Variants in CAPN13 observed in about 807,000 individuals in gnomAD.
The protein encoded by CAPN13 is calpain-13.
CAPN13 carries 90 observed loss-of-function variants against 98.4 expected under a neutral mutation model. That is an observed-to-expected ratio of 0.92 (90% CI 0.77 to 1.09). The LOEUF is 1.09. CAPN13 is among the 50% of genes least tolerant of loss of function. The pLI is 0.00. For missense variants in CAPN13, 887 were observed against 841.3 expected, an observed-to-expected ratio of 1.05 and a Z score of -0.67; for synonymous variants, 330 against 305.5, an observed-to-expected ratio of 1.08 and a Z score of -0.84.
chr2:30,782,773 G>A (rs1281381477), intron 2 of CAPN13, among the ~76,000 whole-genome samples: 2 of 152,248 alleles, frequency 1.3e-5, no homozygotes, highest in African/African-American at 4.8e-5. Context: ...CTATAAAATG[G>A]GTACAAAGAT....
At chr2:30,802,542 T>TGG (rs56730178) in intron 1 of CAPN13, among the ~76,000 whole-genome samples, 18 of 114,648 alleles carry the variant, frequency 1.6e-4, no homozygotes, top group South Asian at 6.3e-4. Context: ...AAAGGCAGGC[T>TGG]GGGGGGGGGG....
intron 1 of CAPN13, among the ~76,000 whole-genome samples, chr2:30,794,561 G>T (rs1457828521): frequency 6.6e-6 from 1 of 151,784 alleles, no homozygotes; most frequent in Non-Finnish European, 1.5e-5. Context: ...TTACCCAAGA[G>T]AAATGAAAGC....
chr2:30,739,617 A>G (rs1355928800), intron 15 of CAPN13, among the ~76,000 whole-genome samples: 1 of 152,164 alleles, frequency 6.6e-6, no homozygotes, highest in Non-Finnish European at 1.5e-5. Context: ...GACTCAGGAC[A>G]CCTCGCTTTG....
intron 1 of CAPN13, among the ~76,000 whole-genome samples, chr2:30,789,440 C>G (rs1325504782): frequency 6.6e-6 from 1 of 152,178 alleles, no homozygotes; most frequent in Non-Finnish European, 1.5e-5. Flanking sequence ...ATGGGATTGC[C>G]TGTAAGTAGC....
chr2:30,772,613 C>G (rs926735300), intron 4 of CAPN13, among the ~76,000 whole-genome samples: 1 of 152,148 alleles, frequency 6.6e-6, no homozygotes, highest in Non-Finnish European at 1.5e-5. Context: ...ACTAGCATCA[C>G]CTGCCTGACA....
At chr2:30,772,669 G>T (rs1482369719) in intron 4 of CAPN13, among the ~76,000 whole-genome samples, 2 of 152,206 alleles carry the variant, frequency 1.3e-5, no homozygotes, top group African/African-American at 2.4e-5. Flanking sequence ...GCAAGAGCAG[G>T]ATAAAGGAGG....
In CAPN13 at chr2:30,787,372, A is replaced by G; in HGVS notation, c.-32-15T>C. The G allele has an allele frequency of 1.3e-6, 2 of 1,554,458 alleles. No homozygotes were observed. Among genetic ancestry groups the G allele is most frequent in the Non-Finnish European group, 1.7e-6 (2 of 1,149,724 alleles). ...GAGGTCCTTTCCTGTTGGTGAGAAA[A>G]AGGGATACCTTTGGGGTAAGCCATC... is the stretch of plus-strand genomic sequence containing the variant. On this transcript the variant is annotated splice_polypyrimidine_tract_variant and intron_variant, in intron 1 of 22. Transcript: ENST00000295055.
intron 18 of CAPN13, among the ~76,000 whole-genome samples, chr2:30,734,984 T>G (rs1671285741): frequency 6.6e-6 from 1 of 152,214 alleles, no homozygotes; most frequent in African/African-American, 2.4e-5. Flanking sequence ...ACCTCACAGG[T>G]TTGTTGCAGG....
intron 13 of CAPN13, 64 bp from the exon 14 acceptor site, chr2:30,742,423 T>C (rs1354477154): frequency 1.1e-5 from 17 of 1,543,632 alleles, no homozygotes; most frequent in Admixed American, 1.9e-5. Context: ...GGCCTGCATA[T>C]AGAGGGCACC....
intron 2 of CAPN13, among the ~76,000 whole-genome samples, chr2:30,781,070 C>T (rs1393688749): frequency 6.6e-6 from 1 of 152,206 alleles, no homozygotes; most frequent in Non-Finnish European, 1.5e-5. Flanking sequence ...TGCTGTGTCC[C>T]ACTTCCCACT....
chr2:30,755,357 C>G (rs1288337597), intron 8 of CAPN13, among the ~76,000 whole-genome samples: 4 of 152,198 alleles, frequency 2.6e-5, no homozygotes, highest in Non-Finnish European at 4.4e-5. Context: ...CTCCCAGAAC[C>G]ATGAGATTCC....
At chr2:30,764,021 T>C in intron 6 of CAPN13, 111 bp downstream of exon 6, 1 of 1,081,758 alleles carries the variant, frequency 9.2e-7, no homozygotes, top group East Asian at 2.6e-5. Flanking sequence ...CTATCAGTGT[T>C]CGTTAATGGT....
At chr2:30,752,903 CG>C (rs1397485323) in intron 10 of CAPN13, 149 bp downstream of exon 10, 1 of 827,402 alleles carries the variant, frequency 1.2e-6, no homozygotes, top group Non-Finnish European at 1.9e-6. Context: ...GAGGAGCAGT[CG>C]CTGTCTCTTC....
chr2:30,728,699 T>C (rs1670947849), intron 22 of CAPN13, among the ~76,000 whole-genome samples: 1 of 152,138 alleles, frequency 6.6e-6, no homozygotes, highest in Non-Finnish European at 1.5e-5. Flanking sequence ...TGGGAGGACA[T>C]TGAAGCGTTT....
At chr2:30,796,209 T>C (rs1203069387) in intron 1 of CAPN13, among the ~76,000 whole-genome samples, 2 of 110,770 alleles carry the variant, frequency 1.8e-5, no homozygotes, top group East Asian at 2.7e-4. Context: ...TGTATATATA[T>C]ATACACATAT....
chr2:30,743,118 C>T (rs1416505611), intron 13 of CAPN13: 1 of 493,528 alleles, frequency 2.0e-6, no homozygotes, highest in Non-Finnish European at 3.6e-6. Flanking sequence ...AGAAGCCTTC[C>T]TCAGTCCCTC....
chr2:30,737,547 G>C (rs973417631), intron 17 of CAPN13: 1 of 152,896 alleles, frequency 6.5e-6, no homozygotes, highest in Admixed American at 6.5e-5. Flanking sequence ...TTGTAGCCAC[G>C]GGCCTGGAGT....
At position 30,754,349 on chromosome 2, in the gene CAPN13, C is replaced by T; in HGVS notation, c.882G>A (p.Glu294=). The part of the protein sequence containing the change: ...GRWSDGSQEW[E]ETCDPRKSQL... The stretch of plus-strand genomic sequence containing the variant: ...GGCTTTTCCGCGGATCACAGGTTTC[C>T]TCCCACTCCTGAGACCTGAGCATGG... Residue 294 remains glutamate (E), a synonymous_variant, in exon 9 of 23, where the codon GAG becomes GAA. Transcript: ENST00000295055. The T allele has an allele frequency of 6.2e-7, 1 of 1,606,018 alleles. No individual in the cohort carries two copies. The highest frequency in any genetic ancestry group is 8.5e-7 in the Non-Finnish European group (1 of 1,176,932).
chr2:30,732,589 G>A (rs1407372602), intron 19 of CAPN13, 23 bp from the exon 20 acceptor site: 9 of 1,598,568 alleles, frequency 5.6e-6, no homozygotes, highest in Admixed American at 1.7e-5. Flanking sequence ...GTGAACGAGT[G>A]AGTGAGAGGA....
Sources: gnomAD v4.1 joint callset for allele counts (sites outside exome capture counted in the v4.1 genomes callset) on GRCh38, gnomAD v4.1.1 for gene constraint, MANE v1.5 for transcripts, NCBI Gene and HGNC (gene_info 2026-07-23, HGNC 2026-07-21) for gene names.